CTNNA3: variants seen among roughly 807,000 people sequenced by gnomAD.
CTNNA3 encodes the protein catenin alpha-3.
CTNNA3 carries 76 observed loss-of-function variants against 95.7 expected under a neutral mutation model. The ratio of observed to expected loss-of-function variants is 0.79; its 90% CI spans 0.66 to 0.96. The LOEUF is 0.96. Ranked by LOEUF, CTNNA3 falls within the 40% of genes least tolerant of loss-of-function variation. The pLI is 0.00. For missense variants in CTNNA3, 1,191 were observed against 1,089.8 expected (o/e 1.09, Z -1.31); for synonymous variants, 431 against 374.4 (o/e 1.15, Z -1.74).
At position 66,008,925 on chromosome 10, in the gene CTNNA3, C is replaced by G. The variant is rs183335304; in HGVS notation, c.2160-20128G>C. 2.7e-3 allele frequency among the ~76,000 whole-genome samples: 412 copies of G among 152,076 alleles called. 2 individuals carry two copies. The highest frequency in any genetic ancestry group is 9.5e-3 in the African/African-American group (396 of 41,474). On this transcript the variant is annotated intron_variant, in intron 15 of 17. Coordinates refer to ENST00000433211, the MANE Select transcript of CTNNA3 (RefSeq NM_013266.4). The stretch of plus-strand genomic sequence containing the variant: ...GACCAGCCTGACCAACATGGTGAAA[C>G]CCCATCTCCACTAAAAATACAAAAA...
At chr10:66,665,909 G>C (rs944500092) in intron 9 of CTNNA3, among the ~76,000 whole-genome samples, 1 of 152,116 alleles carries the variant, frequency 6.6e-6, no homozygotes, top group African/African-American at 2.4e-5. Context: ...AAAACAGCTG[G>C]TTTATGACTT....
intron 15 of CTNNA3, among the ~76,000 whole-genome samples, chr10:65,991,507 T>A (rs2078545732): frequency 1.3e-5 from 2 of 152,038 alleles, no homozygotes; most frequent in Admixed American, 6.5e-5. Context: ...CTAGGCTTTT[T>A]TTTTGTAGCT....
intron 2 of CTNNA3, among the ~76,000 whole-genome samples, chr10:67,635,239 G>C (rs972275578): frequency 6.6e-6 from 1 of 152,094 alleles, no homozygotes; most frequent in Admixed American, 6.5e-5. Flanking sequence ...AATTCTACCA[G>C]AGGTACAAAA....
chr10:67,455,460 A>G (rs1416087951), intron 5 of CTNNA3, among the ~76,000 whole-genome samples: 1 of 152,114 alleles, frequency 6.6e-6, no homozygotes, highest in Non-Finnish European at 1.5e-5. Flanking sequence ...TGCATTAGTG[A>G]CTTACTTCCA....
chr10:66,989,662 G>A (rs967097255), intron 7 of CTNNA3, among the ~76,000 whole-genome samples: 4 of 152,030 alleles, frequency 2.6e-5, no homozygotes, highest in South Asian at 2.1e-4. Flanking sequence ...CTTACCTAAC[G>A]TAACAGTCTT....
intron 16 of CTNNA3, among the ~76,000 whole-genome samples, chr10:65,985,942 T>A (rs2078418895): frequency 6.6e-6 from 1 of 151,694 alleles, no homozygotes; most frequent in Non-Finnish European, 1.5e-5. Flanking sequence ...AATAAATTAC[T>A]TTTGGCTATA....
intron 13 of CTNNA3, among the ~76,000 whole-genome samples, chr10:66,215,948 A>G (rs145074471): frequency 8.7e-4 from 132 of 152,328 alleles, no homozygotes; most frequent in African/African-American, 3.1e-3. Flanking sequence ...TCAGAAGTAG[A>G]AAGCAAAGGA....
At chr10:66,633,663 G>C (rs1845233056) in intron 9 of CTNNA3, among the ~76,000 whole-genome samples, 1 of 151,874 alleles carries the variant, frequency 6.6e-6, no homozygotes. Context: ...CTGGGCAACA[G>C]AGCAAGACTC....
intron 5 of CTNNA3, among the ~76,000 whole-genome samples, chr10:67,505,059 T>C (rs772843829): frequency 4.6e-5 from 7 of 152,230 alleles, no homozygotes; most frequent in Non-Finnish European, 8.8e-5. Context: ...GATTTTTTTC[T>C]TAACAAATTG....
rs900471372 is a variant in CTNNA3 at position 67,180,597 on chromosome 10, T to C, written c.844-77A>G. 11 of 1,252,130 alleles carry C rather than the reference T, an allele frequency of 8.8e-6. No homozygotes were observed. In the African/African-American group the frequency reaches 1.2e-4, roughly 14 times the overall value. The allele number at this position is 1,252,130 out of a possible 1,614,324, so 77.6% of individuals were successfully genotyped here. A position where few individuals can be genotyped will look rare whatever the true frequency, so the allele number is the denominator to read the frequency against. On this transcript the variant is annotated intron_variant, in intron 6 of 17. Transcript: ENST00000433211. ...ATGAAAAACAAATGTTATTTTGTTT[T>C]TGCATTTAGAATTCAGATGTGATAA...
intron 15 of CTNNA3, among the ~76,000 whole-genome samples, chr10:66,043,277 G>A (rs1393713416): frequency 6.6e-6 from 1 of 152,102 alleles, no homozygotes; most frequent in South Asian, 2.1e-4. Flanking sequence ...TGACTTGGAA[G>A]TATATTGGAA....
At chr10:66,377,885 C>G (rs2092807184) in intron 12 of CTNNA3, among the ~76,000 whole-genome samples, 2 of 152,064 alleles carry the variant, frequency 1.3e-5, no homozygotes. Flanking sequence ...CCTATTGATA[C>G]CGGTGACTTT....
chr10:66,023,835 T>C (rs1250747904), intron 15 of CTNNA3, among the ~76,000 whole-genome samples: 2 of 152,198 alleles, frequency 1.3e-5, no homozygotes, highest in Non-Finnish European at 2.9e-5. Flanking sequence ...GCTAGTGCAC[T>C]GTCGCAGTTC....
intron 7 of CTNNA3, among the ~76,000 whole-genome samples, chr10:66,810,580 G>A (rs555758257): frequency 1.3e-5 from 2 of 152,222 alleles, no homozygotes; most frequent in Admixed American, 6.5e-5. Flanking sequence ...GGTTTCCCAT[G>A]TTGCTCCCAC....
intron 13 of CTNNA3, among the ~76,000 whole-genome samples, chr10:66,192,612 G>A (rs1306340238): frequency 6.6e-6 from 1 of 152,064 alleles, no homozygotes; most frequent in Non-Finnish European, 1.5e-5. Flanking sequence ...AACCTTGGAT[G>A]GTCTGACCTT....
At chr10:67,104,674 C>G (rs904700446) in intron 7 of CTNNA3, among the ~76,000 whole-genome samples, 1 of 151,840 alleles carries the variant, frequency 6.6e-6, no homozygotes, top group Non-Finnish European at 1.5e-5. Flanking sequence ...CAAGTAATCC[C>G]ATTGGTTTAA....
intron 5 of CTNNA3, among the ~76,000 whole-genome samples, chr10:67,256,532 G>A (rs1448592339): frequency 2.0e-5 from 3 of 152,086 alleles, no homozygotes; most frequent in African/African-American, 7.2e-5. Context: ...TTACCAGATG[G>A]TTTATCTGAA....
At chr10:67,701,142 C>T (rs1353349165), upstream of CTNNA3, among the ~76,000 whole-genome samples, 5 of 152,142 alleles carry the variant, frequency 3.3e-5, no homozygotes, top group Admixed American at 6.5e-5. Flanking sequence ...ACCAAATCTA[C>T]GTCTGATTGG....
chr10:66,937,622 G>T lies in CTNNA3; in HGVS notation c.1048-162098C>A, dbSNP rs573522038. Among the ~76,000 whole-genome samples, 7 of 152,182 alleles carry T rather than the reference G, an allele frequency of 4.6e-5. No individual in the cohort carries two copies. In the South Asian group the frequency reaches 8.3e-4, roughly 18 times the overall value. On this transcript the variant is annotated intron_variant, in intron 7 of 17. Coordinates refer to ENST00000433211, the MANE Select transcript of CTNNA3 (RefSeq NM_013266.4). ...ACGTAGTTAATACTGAAGAGTGATG[G>T]TAGTACATAAAACCAATGTCCTCAG...
Sources: gnomAD v4.1 joint callset for allele counts (sites outside exome capture counted in the v4.1 genomes callset) on GRCh38, gnomAD v4.1.1 for gene constraint, MANE v1.5 for transcripts, NCBI Gene and HGNC (gene_info 2026-07-23, HGNC 2026-07-21) for gene names.